PANK2: variants seen among roughly 807,000 people sequenced by gnomAD.
PANK2 encodes the protein pantothenate kinase 2.
In PANK2, 36 loss-of-function variants were observed where a neutral mutation model predicts 43.1. The observed-to-expected ratio is 0.84, with a 90% CI of 0.64 to 1.10. The LOEUF (loss-of-function observed/expected upper bound fraction) is 1.10, where lower values mean the gene tolerates loss of function less well. Among genes scored for constraint, PANK2 ranks in the 50% least tolerant of loss-of-function variants. The pLI, the probability that PANK2 is intolerant of heterozygous loss-of-function variation, is 0.00. For synonymous variants in PANK2, 281 were observed against 238.2 expected, an observed-to-expected ratio of 1.18 and a Z score of -1.66; for missense variants, 576 against 593.3, an observed-to-expected ratio of 0.97 and a Z score of 0.30.
intron 2 of PANK2, 97 bp from the exon 3 acceptor site, chr20:3,910,480 T>C: frequency 1.0e-5 from 14 of 1,375,734 alleles, no homozygotes; most frequent in Middle Eastern, 3.6e-4. Context: ...GAGTGCACTT[T>C]CATGGTTGTT....
chr20:3,888,940 ACCAGCGGCCAGAC>A, upstream of PANK2: 1 of 596,312 alleles, frequency 1.7e-6, no homozygotes. Flanking sequence ...TCTGCCGACG[ACCAGCGGCCAGAC>A]GCTGCGGGAG....
rs962008273 is a variant in PANK2, at chr20:3,927,497, A to G, written c.*4203A>G. The G allele has an allele frequency of 4.4e-4, 67 of 152,348 alleles. No homozygotes were observed. The highest frequency in any genetic ancestry group is 1.1e-3 in the African/African-American group (46 of 41,580). The allele number at this position is 152,348 out of a possible 1,614,324, so 9.4% of individuals were successfully genotyped here. ...GAATTTTTAGTGTACAAAGACGTCT[A>G]TGAAACCTGAGGTTCAGCATTTCAT... On this transcript the variant is annotated 3_prime_UTR_variant, in exon 7 of 7. Transcript: ENST00000610179.
intron 1 of PANK2, chr20:3,890,071 C>A (rs1014990461): frequency 6.8e-6 from 4 of 587,774 alleles, no homozygotes; most frequent in Non-Finnish European, 1.1e-5. Context: ...ATTTCCACCT[C>A]CTTTCCTCCC....
intron 1 of PANK2, among the ~76,000 whole-genome samples, chr20:3,904,829 T>C (rs1447598279): frequency 6.6e-6 from 1 of 152,210 alleles, no homozygotes; most frequent in African/African-American, 2.4e-5. Context: ...ATTTTTGTAG[T>C]GTTTATTTCC....
chr20:3,895,641 T>G (rs551295901), intron 1 of PANK2, among the ~76,000 whole-genome samples: 1 of 152,262 alleles, frequency 6.6e-6, no homozygotes, highest in Admixed American at 6.5e-5. Flanking sequence ...TTTGTAGCCT[T>G]GTGAGCTTTT....
chr20:3,920,876 C>T (rs73574289), intron 6 of PANK2, among the ~76,000 whole-genome samples: 1 of 152,076 alleles, frequency 6.6e-6, no homozygotes. Flanking sequence ...AAACCGATAT[C>T]ATCATAATAG....
chr20:3,915,224 C>G (rs1042373957), intron 4 of PANK2, among the ~76,000 whole-genome samples: 1 of 116,916 alleles, frequency 8.6e-6, no homozygotes, highest in Non-Finnish European at 1.9e-5. Flanking sequence ...AATTTAAGAT[C>G]ATGAAGAATT....
chr20:3,907,924 A>G lies in PANK2; in HGVS notation c.299-2A>G. On this transcript the variant is annotated splice_acceptor_variant, in intron 1 of 6. Coordinates refer to ENST00000610179, the MANE Select transcript of PANK2 (RefSeq NM_001386393.1). LOFTEE classifies it high-confidence loss of function. ...TCTGACTTATTTTTCTTCCCCATTTAGTTTTTCCATGGTTTGGACTGGATA... is the reference window on the plus strand; with the variant it reads ...TCTGACTTATTTTTCTTCCCCATTTGGTTTTTCCATGGTTTGGACTGGATA... The G allele has an allele frequency of 1.2e-6, 2 of 1,613,522 alleles. No individual in the cohort carries two copies. Among genetic ancestry groups the G allele is most frequent in the South Asian group, 2.2e-5 (2 of 91,072 alleles).
rs1160800701 is a variant in PANK2 at position 3,889,702 on chromosome 20, T to A, written c.272T>A (p.Val91Asp). ...CCCACCTCGGTCTCCCGCCAGCGCG[T>A]CGAAAGCCTGAGGAAAAAGCGGCCG... Residue 91 changes from valine (V) to aspartate (D), a missense_variant, in exon 1 of 7, where the codon GTC becomes GAC. Coordinates refer to ENST00000610179, the MANE Select transcript of PANK2 (RefSeq NM_001386393.1). 6.3e-7 allele frequency: 1 copy of A among 1,596,344 alleles called. No individual in the cohort carries two copies. Among genetic ancestry groups the A allele is most frequent in the Non-Finnish European group, 8.5e-7 (1 of 1,179,164 alleles).
chr20:3,906,024 C>T (rs944244289), intron 1 of PANK2, among the ~76,000 whole-genome samples: 7 of 152,102 alleles, frequency 4.6e-5, no homozygotes, highest in Non-Finnish European at 8.8e-5. Context: ...CCTAAACCCA[C>T]ATCTTTAGTA....
At chr20:3,904,122 AAATGGAAT>A (rs2090348951) in intron 1 of PANK2, among the ~76,000 whole-genome samples, 2 of 151,980 alleles carry the variant, frequency 1.3e-5, no homozygotes, top group Non-Finnish European at 2.9e-5. Flanking sequence ...AGTTTCATAT[AAATGGAAT>A]AATATAGTAT....
Position 3,889,698 on chromosome 20 carries a change from C to G in PANK2, c.268C>G (p.Arg90Gly), listed in dbSNP as rs770188135. ...CGGCCCCACCTCGGTCTCCCGCCAG[C>G]GCGTCGAAAGCCTGAGGAAAAAGCG... Residue 90 changes from arginine to glycine, a missense_variant, in exon 1 of 7, where the codon CGC becomes GGC. By Grantham distance (125) the Arg-to-Gly change is moderately radical (BLOSUM62 -2). Coordinates refer to ENST00000610179, the MANE Select transcript of PANK2 (RefSeq NM_001386393.1). 17 of 1,596,098 alleles carry G rather than the reference C, an allele frequency of 1.1e-5. No individual in the cohort carries two copies. Among genetic ancestry groups the G allele is most frequent in the Non-Finnish European group, 1.4e-5 (17 of 1,179,034 alleles).
At position 3,926,491 on chromosome 20, in the gene PANK2, A is replaced by AG. The variant is rs2090721935; in HGVS notation, c.*3201dup. 1 of 152,198 alleles carries AG rather than the reference A, an allele frequency of 6.6e-6. No individual in the cohort carries two copies. Among genetic ancestry groups the AG allele is most frequent in the Non-Finnish European group, 1.5e-5 (1 of 68,098 alleles). The allele number at this position is 152,198 out of a possible 1,614,324, so 9.4% of individuals were successfully genotyped here. On this transcript the variant is annotated 3_prime_UTR_variant, in exon 7 of 7. Coordinates refer to ENST00000610179, the MANE Select transcript of PANK2 (RefSeq NM_001386393.1). Reference sequence around the variant, plus strand: ...GCTGGGAAGCCACTCGGTCCTAGTGAGGGGTGGTGAGGAGAGCAGCAACGG... The same window carrying AG: ...GCTGGGAAGCCACTCGGTCCTAGTGAGGGGGTGGTGAGGAGAGCAGCAACGG...
chr20:3,922,512 C>T (rs977296409), intron 6 of PANK2, among the ~76,000 whole-genome samples: 6 of 152,150 alleles, frequency 3.9e-5, no homozygotes, highest in Admixed American at 3.3e-4. Context: ...CCTCTCTTCA[C>T]GTTACCTTTG....
chr20:3,916,833 A>G (rs1369830268), intron 4 of PANK2, 94 bp from the exon 5 acceptor site: 3 of 1,551,384 alleles, frequency 1.9e-6, no homozygotes, highest in South Asian at 1.2e-5. Flanking sequence ...ATGTTGCCCT[A>G]AAAGCTAATT....
intron 4 of PANK2, 128 bp from the exon 5 acceptor site, chr20:3,916,799 A>G: frequency 2.2e-6 from 3 of 1,375,072 alleles, no homozygotes; most frequent in Non-Finnish European, 3.0e-6. Flanking sequence ...CCATTGCAAA[A>G]TAAAAGGTTT....
At position 3,898,077 on chromosome 20, in the gene PANK2, AT is replaced by A. The variant is rs1303161220; in HGVS notation, c.298+8356del. 3.9e-5 allele frequency among the ~76,000 whole-genome samples: 6 copies of A among 152,154 alleles called. No homozygotes were observed. The East Asian group carries it at 1.2e-3, about 29-fold the overall frequency. On this transcript the variant is annotated intron_variant, in intron 1 of 6. Transcript: ENST00000610179. The stretch of plus-strand genomic sequence containing the variant: ...TTTGGAATCTGTTGAGATAATCATG[AT>A]TTTTTTCCCTTCATCTTACTAATTG...
intron 1 of PANK2, among the ~76,000 whole-genome samples, chr20:3,905,710 C>T (rs1043034835): frequency 9.4e-5 from 14 of 149,640 alleles, no homozygotes; most frequent in African/African-American, 3.4e-4. Flanking sequence ...ATCAATAAAC[C>T]CACACCCTTT....
At chr20:3,906,273 A>G (rs2090385545) in intron 1 of PANK2, among the ~76,000 whole-genome samples, 1 of 151,894 alleles carries the variant, frequency 6.6e-6, no homozygotes, top group Admixed American at 6.6e-5. Context: ...AAAATACAAA[A>G]ATTAGGTGGG....
Sources: gnomAD v4.1 joint callset for allele counts (sites outside exome capture counted in the v4.1 genomes callset) on GRCh38, gnomAD v4.1.1 for gene constraint, MANE v1.5 for transcripts, NCBI Gene and HGNC (gene_info 2026-07-23, HGNC 2026-07-21) for gene names.